AUTS2: variants seen among roughly 807,000 people sequenced by gnomAD.
AUTS2 encodes the protein autism susceptibility gene 2 protein.
AUTS2 carries 17 observed loss-of-function variants against 112.4 expected under a neutral mutation model. The ratio of observed to expected loss-of-function variants is 0.15; its 90% CI spans 0.10 to 0.23. AUTS2 has a LOEUF of 0.23. Ranked by LOEUF, AUTS2 falls within the 10% of genes least tolerant of loss-of-function variation. The pLI, the probability that AUTS2 is intolerant of heterozygous loss-of-function variation, is 1.00. For synonymous variants in AUTS2, 751 were observed against 702.7 expected (o/e 1.07, Z -1.09); for missense variants, 1,510 against 1,701.6 (o/e 0.89, Z 1.98).
chr7:69,696,346 A>G (rs765519093), intron 1 of AUTS2, among the ~76,000 whole-genome samples: 5 of 152,302 alleles, frequency 3.3e-5, no homozygotes, highest in Admixed American at 6.5e-5. Context: ...ATGCTGGCCA[A>G]GGGTGTCTTT....
At chr7:70,051,988 T>C (rs962116652) in intron 2 of AUTS2, among the ~76,000 whole-genome samples, 1 of 152,180 alleles carries the variant, frequency 6.6e-6, no homozygotes, top group Non-Finnish European at 1.5e-5. Flanking sequence ...CTTTCCTGGA[T>C]GGAATTTATG....
At chr7:70,307,408 T>C (rs944431296) in intron 4 of AUTS2, among the ~76,000 whole-genome samples, 1 of 152,202 alleles carries the variant, frequency 6.6e-6, no homozygotes, top group Non-Finnish European at 1.5e-5. Flanking sequence ...CCTGACCCTT[T>C]GTTATAAAAA....
At chr7:70,087,670 ATTCTGTCATTTTCT>A (rs1562678903) in intron 2 of AUTS2, among the ~76,000 whole-genome samples, 1 of 152,036 alleles carries the variant, frequency 6.6e-6, no homozygotes, top group African/African-American at 2.4e-5. Flanking sequence ...CGCACAGCCT[ATTCTGTCATTTTCT>A]TTCATTGTCT....
At chr7:70,003,296 G>A (rs1367226949) in intron 2 of AUTS2, among the ~76,000 whole-genome samples, 2 of 126,946 alleles carry the variant, frequency 1.6e-5, no homozygotes, top group East Asian at 2.3e-4. Flanking sequence ...TATTATATAT[G>A]AATATATTAT....
chr7:70,173,580 G>A (rs1372168789), intron 4 of AUTS2, among the ~76,000 whole-genome samples: 1 of 152,078 alleles, frequency 6.6e-6, no homozygotes, highest in African/African-American at 2.4e-5. Flanking sequence ...AGCATACATT[G>A]CTTTATTGTG....
At chr7:69,954,292 T>C (rs1402581850) in intron 2 of AUTS2, among the ~76,000 whole-genome samples, 1 of 152,142 alleles carries the variant, frequency 6.6e-6, no homozygotes, top group Non-Finnish European at 1.5e-5. Flanking sequence ...TAATTTTTAA[T>C]TTTTTTAGAG....
chr7:70,649,238 C>CTTTAGATTAGAAGTTTG (rs1563101430), intron 5 of AUTS2, among the ~76,000 whole-genome samples: 1 of 151,988 alleles, frequency 6.6e-6, no homozygotes, highest in African/African-American at 2.4e-5. Flanking sequence ...AGTTTGAGAC[C>CTTTAGATTAGAAGTTTG]AGCCTGGGCA....
At chr7:69,750,849 T>G (rs1327120708) in intron 1 of AUTS2, among the ~76,000 whole-genome samples, 2 of 152,016 alleles carry the variant, frequency 1.3e-5, no homozygotes, top group African/African-American at 4.8e-5. Flanking sequence ...GCCAAAGGTC[T>G]TACTGAAATT....
intron 5 of AUTS2, among the ~76,000 whole-genome samples, chr7:70,454,977 T>C (rs1428874952): frequency 6.6e-6 from 1 of 152,204 alleles, no homozygotes; most frequent in Non-Finnish European, 1.5e-5. Flanking sequence ...CTTCATAGCC[T>C]AAAGCCAGGT....
At position 69,655,463 on chromosome 7, in the gene AUTS2, G is replaced by A. The variant is rs1459947313; in HGVS notation, c.309+55501G>A. Among the ~76,000 whole-genome samples, 6 of 152,220 alleles carry A rather than the reference G, an allele frequency of 3.9e-5. No homozygotes were observed. In the East Asian group the frequency reaches 9.6e-4, roughly 24 times the overall value. On this transcript the variant is annotated intron_variant, in intron 1 of 18. Coordinates refer to ENST00000342771, the MANE Select transcript of AUTS2 (RefSeq NM_015570.4). Reference sequence around the variant, plus strand: ...TGGTCCCCAGTCCAGAAGTGTCAGCGTCATCTGGGAACGGTTAGAATTGCA... The same window carrying A: ...TGGTCCCCAGTCCAGAAGTGTCAGCATCATCTGGGAACGGTTAGAATTGCA...
intron 4 of AUTS2, among the ~76,000 whole-genome samples, chr7:70,229,277 G>A (rs1268411580): frequency 2.0e-5 from 3 of 152,016 alleles, no homozygotes; most frequent in Admixed American, 6.6e-5. Flanking sequence ...AATTCTTTCA[G>A]TCTTTAATAG....
At chr7:70,598,884 A>G (rs1311656973) in intron 5 of AUTS2, among the ~76,000 whole-genome samples, 1 of 152,206 alleles carries the variant, frequency 6.6e-6, no homozygotes, top group African/African-American at 2.4e-5. Flanking sequence ...CTCCCAGTAA[A>G]TTAGGAACAG....
At chr7:69,632,095 T>C (rs1226750959) in intron 1 of AUTS2, among the ~76,000 whole-genome samples, 1 of 152,222 alleles carries the variant, frequency 6.6e-6, no homozygotes, top group African/African-American at 2.4e-5. Context: ...TACTTTGGTA[T>C]AGTTCCTCTG....
At chr7:70,461,843 G>C (rs1796977210) in intron 5 of AUTS2, among the ~76,000 whole-genome samples, 1 of 152,166 alleles carries the variant, frequency 6.6e-6, no homozygotes. Context: ...GGGTTGTCAG[G>C]ACATCAGGGG....
At chr7:69,892,078 GCCACACCTGGCC>G (rs1483035195) in intron 1 of AUTS2, among the ~76,000 whole-genome samples, 1 of 150,620 alleles carries the variant, frequency 6.6e-6, no homozygotes, top group Non-Finnish European at 1.5e-5. Flanking sequence ...GGCATGAGCT[GCCACACCTGGCC>G]CCAGATATCT....
At chr7:70,510,334 A>G (rs1279717782) in intron 5 of AUTS2, among the ~76,000 whole-genome samples, 1 of 152,212 alleles carries the variant, frequency 6.6e-6, no homozygotes, top group Non-Finnish European at 1.5e-5. Context: ...TTAGATTTTC[A>G]TGGCCATTGA....
chr7:69,800,417 C>T (rs1790031677), intron 1 of AUTS2, among the ~76,000 whole-genome samples: 1 of 152,190 alleles, frequency 6.6e-6, no homozygotes, highest in Non-Finnish European at 1.5e-5. Context: ...TCAACAGATA[C>T]ATCCCTGTTG....
chr7:69,795,742 T>G (rs1215861258), intron 1 of AUTS2, among the ~76,000 whole-genome samples: 1 of 152,204 alleles, frequency 6.6e-6, no homozygotes, highest in East Asian at 1.9e-4. Flanking sequence ...CAGAAATATT[T>G]GCATATTAGT....
chr7:70,716,920 A>G (rs777900091), intron 6 of AUTS2, among the ~76,000 whole-genome samples: 2 of 152,138 alleles, frequency 1.3e-5, no homozygotes, highest in African/African-American at 2.4e-5. Context: ...TGTCTAATCA[A>G]TAAACATCAA....
Sources: gnomAD v4.1 joint callset for allele counts (sites outside exome capture counted in the v4.1 genomes callset) on GRCh38, gnomAD v4.1.1 for gene constraint, MANE v1.5 for transcripts, NCBI Gene and HGNC (gene_info 2026-07-23, HGNC 2026-07-21) for gene names.